DNAH7: variants seen among roughly 807,000 people sequenced by gnomAD.
DNAH7 encodes the protein axonemal beta dynein heavy chain 7.
Under a neutral mutation model 444.6 loss-of-function variants are expected in DNAH7, and 397 were observed. That is an observed-to-expected ratio of 0.89 (90% confidence interval 0.82 to 0.97). The LOEUF (loss-of-function observed/expected upper bound fraction) is 0.97, where lower values mean the gene tolerates loss of function less well. DNAH7 is among the 50% of genes least tolerant of loss of function. The pLI, the probability that DNAH7 is intolerant of heterozygous loss-of-function variation, is 0.00. For missense variants in DNAH7, 4,902 were observed against 4,800.8 expected (o/e 1.02, Z -0.62); for synonymous variants, 1,636 against 1,624.4 (o/e 1.01, Z -0.17).
intron 52 of DNAH7, 25 bp downstream of exon 52, chr2:195,809,720 T>C (rs1166701708): frequency 1.3e-6 from 2 of 1,500,042 alleles, no homozygotes; most frequent in African/African-American, 1.4e-5. Context: ...AGGGTTTTTT[T>C]CTTACAAATG....
intron 36 of DNAH7, among the ~76,000 whole-genome samples, chr2:195,877,503 G>T (rs1701129542): frequency 6.6e-6 from 1 of 152,034 alleles, no homozygotes; most frequent in Non-Finnish European, 1.5e-5. Flanking sequence ...AATATCAAAT[G>T]GTAAAATACC....
chr2:195,791,375 G>GAAAAAAAAAAAAAA (rs545585624), intron 57 of DNAH7, among the ~76,000 whole-genome samples: 3 of 101,564 alleles, frequency 3.0e-5, no homozygotes, highest in South Asian at 3.3e-4. Flanking sequence ...GCTGAAGCAG[G>GAAAAAAAAAAAAAA]AAAAAAAAAA....
At position 195,888,791 on chromosome 2, in the gene DNAH7, G is replaced by A; in HGVS notation, c.5229+8C>T. 1 of 1,605,000 alleles carries A rather than the reference G, an allele frequency of 6.2e-7. No homozygotes were observed. Among genetic ancestry groups the A allele is most frequent in the Non-Finnish European group, 8.5e-7 (1 of 1,176,660 alleles). On this transcript the variant is annotated splice_region_variant and intron_variant, in intron 32 of 64. Coordinates refer to ENST00000312428, the MANE Select transcript of DNAH7 (RefSeq NM_018897.3). ...ATTTATAAAAAGATGTCAAAATGGAGAACTTACAGTGGCAGGGGAAGCAAC... is the reference window on the plus strand; with the variant it reads ...ATTTATAAAAAGATGTCAAAATGGAAAACTTACAGTGGCAGGGGAAGCAAC...
intron 31 of DNAH7, among the ~76,000 whole-genome samples, chr2:195,890,196 C>A (rs967101970): frequency 6.6e-6 from 1 of 152,212 alleles, no homozygotes; most frequent in Non-Finnish European, 1.5e-5. Flanking sequence ...CCACCCCACA[C>A]CCACACTCAG....
intron 3 of DNAH7, 40 bp from the exon 4 acceptor site, chr2:196,048,444 A>T: frequency 2.6e-6 from 4 of 1,568,294 alleles, no homozygotes; most frequent in Non-Finnish European, 2.6e-6. Context: ...AAACAATATC[A>T]GAAAAAAACC....
At position 195,936,626 on chromosome 2, in the gene DNAH7, A is replaced by G; in HGVS notation, c.3245T>C (p.Ile1082Thr). 7.5e-6 allele frequency: 12 copies of G among 1,601,462 alleles called. No homozygotes were observed. Among genetic ancestry groups the G allele is most frequent in the Non-Finnish European group, 1.0e-5 (12 of 1,176,622 alleles). The change falls in exon 20 of 65, where the codon ATA becomes ACA. Residue 1082 changes from isoleucine (I) to threonine (T), a missense_variant. Ile to Thr is a moderately conservative substitution (Grantham distance 89, BLOSUM62 -1). Coordinates refer to ENST00000312428, the MANE Select transcript of DNAH7 (RefSeq NM_018897.3). ...AGTGGGATCTTTAGTCTCAGATAGTATCTCAAGAAGTTCATCATTGGACAA... is the reference window on the plus strand; with the variant it reads ...AGTGGGATCTTTAGTCTCAGATAGTGTCTCAAGAAGTTCATCATTGGACAA... ...FFLSNDELLE[I>T]LSETKDPTRV...
chr2:195,993,732 A>C (rs2125659794), intron 12 of DNAH7, among the ~76,000 whole-genome samples: 1 of 152,356 alleles, frequency 6.6e-6, no homozygotes, highest in East Asian at 1.9e-4. Context: ...AGAAGAACTG[A>C]AGTCCATTTC....
At chr2:195,903,657 T>TG (rs1421067007) in intron 27 of DNAH7, 38 of 152,318 alleles carry the variant, frequency 2.5e-4, no homozygotes, top group Admixed American at 2.2e-3. Flanking sequence ...CTGTATGATA[T>TG]GATACATCAG....
intron 35 of DNAH7, among the ~76,000 whole-genome samples, chr2:195,883,451 T>TCCCCCCCCCCC (rs778869268): frequency 1.7e-5 from 2 of 121,088 alleles, no homozygotes; most frequent in African/African-American, 6.4e-5. Flanking sequence ...CAGTCCCCGC[T>TCCCCCCCCCCC]CCCCCCCCCC....
Position 195,934,857 on chromosome 2 carries a change from C to T in DNAH7, c.3273-68G>A, listed in dbSNP as rs926101046. 53 of 1,532,752 alleles carry T rather than the reference C, an allele frequency of 3.5e-5. No homozygotes were observed. In the East Asian group the frequency reaches 7.0e-4, roughly 20 times the overall value. The allele number at this position is 1,532,752 out of a possible 1,614,324, so 94.9% of individuals were successfully genotyped here. On this transcript the variant is annotated intron_variant, in intron 20 of 64. Coordinates refer to ENST00000312428, the MANE Select transcript of DNAH7 (RefSeq NM_018897.3). ...CAATTCTTTACACTCCAGAGTTCTT[C>T]GTTTAAAGTTCATAAATGCTAGGTG...
chr2:195,785,780 T>C (rs1695590087), intron 58 of DNAH7, among the ~76,000 whole-genome samples: 1 of 152,146 alleles, frequency 6.6e-6, no homozygotes, highest in Non-Finnish European at 1.5e-5. Context: ...AATAATATTT[T>C]AAATTAGAAT....
At position 195,858,794 on chromosome 2, in the gene DNAH7, T is replaced by C; in HGVS notation, c.7747A>G (p.Lys2583Glu). The change falls in exon 43 of 65, where the codon AAA (lysine) becomes GAA (glutamate). Residue 2583 changes from lysine (K) to glutamate (E), a missense_variant. Lys to Glu is a moderately conservative substitution (Grantham distance 56). Coordinates refer to ENST00000312428, the MANE Select transcript of DNAH7 (RefSeq NM_018897.3). ...CCCACTTCATATCTCTTTTTCATTTTCATTACTTCACTGGAAGGAAATAGA... is the reference window on the plus strand; with the variant it reads ...CCCACTTCATATCTCTTTTTCATTTCCATTACTTCACTGGAAGGAAATAGA... The part of the protein sequence containing the change: ...LLEKKRSEVM[K>E]MKKRYEVGLE... 18 of 1,605,484 alleles carry C rather than the reference T, an allele frequency of 1.1e-5. No individual in the cohort carries two copies. The highest frequency in any genetic ancestry group is 1.5e-5 in the Non-Finnish European group (18 of 1,176,106).
intron 44 of DNAH7, among the ~76,000 whole-genome samples, chr2:195,856,667 C>T (rs1699731097): frequency 6.6e-6 from 1 of 152,118 alleles, no homozygotes; most frequent in South Asian, 2.1e-4. Context: ...AACTAGTTCT[C>T]ATATAATCAC....
chr2:195,908,427 C>T (rs1396329780), intron 25 of DNAH7, among the ~76,000 whole-genome samples: 2 of 152,056 alleles, frequency 1.3e-5, no homozygotes, highest in Non-Finnish European at 2.9e-5. Context: ...TCTCTCATCA[C>T]ACCCCTCTCC....
Position 195,816,718 on chromosome 2 carries a change from T to A in DNAH7, c.9671A>T (p.Glu3224Val), listed in dbSNP as rs780973063. The A allele has an allele frequency of 6.2e-7, 1 of 1,614,184 alleles. No homozygotes were observed. The highest frequency in any genetic ancestry group is 2.2e-5 in the East Asian group (1 of 44,868). ...GGTCAGTGAATACTGGTACATGGGC[T>A]CAATGTTGGCTAAATCAGCAAGAGA... ...FFSLADLANI[E>V]PMYQYSLTWF... is the part of the protein sequence containing the mutation. The change falls in exon 51 of 65, where the codon GAG becomes GTG. Residue 3224 changes from glutamate (E) to valine (V), a missense_variant. Transcript: ENST00000312428.
At chr2:195,774,439 A>C (rs896905193) in intron 60 of DNAH7, among the ~76,000 whole-genome samples, 1 of 151,762 alleles carries the variant, frequency 6.6e-6, no homozygotes, top group Non-Finnish European at 1.5e-5. Context: ...GGACTCTTCC[A>C]TTATTCCATT....
At chr2:195,889,126 G>T in intron 31 of DNAH7, 145 bp from the exon 32 acceptor site, 1 of 714,234 alleles carries the variant, frequency 1.4e-6, no homozygotes, top group South Asian at 2.1e-5. Flanking sequence ...TTTGAATAAA[G>T]ATTACTATGT....
rs1481533363 is a variant in DNAH7 at position 195,794,567 on chromosome 2, A to G, written c.10516-29T>C. On this transcript the variant is annotated intron_variant, in intron 56 of 64. Coordinates refer to ENST00000312428, the MANE Select transcript of DNAH7 (RefSeq NM_018897.3). Reference sequence around the variant, plus strand: ...TAAGAAAATAAATCAGATACAAAAGAGTAAATAAAACCCAAAGAAAATCTC... The same window carrying G: ...TAAGAAAATAAATCAGATACAAAAGGGTAAATAAAACCCAAAGAAAATCTC... 12 of 1,604,276 alleles carry G rather than the reference A, an allele frequency of 7.5e-6. No individual in the cohort carries two copies. In the African/African-American group the frequency reaches 1.6e-4, roughly 21 times the overall value.
chr2:196,005,308 ATAT>A (rs1559326924), intron 10 of DNAH7, among the ~76,000 whole-genome samples: 2 of 136,812 alleles, frequency 1.5e-5, no homozygotes, highest in African/African-American at 5.7e-5. Flanking sequence ...ACAAACAAAA[ATAT>A]ATATATATAT....
Sources: allele counts gnomAD v4.1 joint callset (sites outside exome capture counted in the v4.1 genomes callset), GRCh38; gene constraint gnomAD v4.1.1; transcripts MANE v1.5; gene names NCBI Gene and HGNC (gene_info 2026-07-23, HGNC 2026-07-21).